Variants in PHEX observed in about 807,000 individuals in gnomAD.
PHEX encodes the protein phosphate-regulating neutral endopeptidase PHEX.
PHEX carries 16 observed loss-of-function variants against 68.0 expected under a neutral mutation model. The observed-to-expected ratio is 0.24, with a 90% CI of 0.16 to 0.36. The LOEUF (loss-of-function observed/expected upper bound fraction) is 0.36, where lower values mean the gene tolerates loss of function less well. Among genes scored for constraint, PHEX ranks in the 10% least tolerant of loss-of-function variants. The pLI is 1.00. For missense variants in PHEX, 480 were observed against 575.5 expected, an observed-to-expected ratio of 0.83 and a Z score of 1.70; for synonymous variants, 208 against 205.1, an observed-to-expected ratio of 1.01 and a Z score of -0.12.
chrX:22,097,472 G>T (rs989716428), intron 8 of PHEX, among the ~76,000 whole-genome samples: 55 of 111,917 alleles, frequency 4.9e-4, no homozygotes, highest in Non-Finnish European at 6.4e-4. Context: ...GGAAGAAGGT[G>T]AAAGGGCCAG....
At chrX:22,207,050 G>A (rs1010309060) in intron 15 of PHEX, among the ~76,000 whole-genome samples, 1 of 111,695 alleles carries the variant, frequency 9.0e-6, no homozygotes, top group Non-Finnish European at 1.9e-5. Context: ...CTAAACAAAA[G>A]CACTCTGTCT....
At chrX:22,101,099 C>T (rs1380240165) in intron 9 of PHEX, among the ~76,000 whole-genome samples, 1 of 111,591 alleles carries the variant, frequency 9.0e-6, no homozygotes, top group Admixed American at 9.5e-5. Flanking sequence ...TCGCTTGAAC[C>T]CAGGAGGTGG....
chrX:22,246,973 A>G (rs1327258401), intron 21 of PHEX, among the ~76,000 whole-genome samples: 1 of 111,561 alleles, frequency 9.0e-6, no homozygotes, highest in Non-Finnish European at 1.9e-5. Flanking sequence ...TGCAGTAACT[A>G]TAGATTTTGA....
chrX:22,092,536 C>A (rs1602286531), intron 6 of PHEX, among the ~76,000 whole-genome samples: 1 of 109,252 alleles, frequency 9.2e-6, no homozygotes, highest in East Asian at 2.9e-4. Context: ...CCATGCCGGG[C>A]TAATTTTTGT....
chrX:22,094,128 T>G, intron 7 of PHEX, 29 bp downstream of exon 7: 1 of 826,526 alleles, frequency 1.2e-6, no homozygotes, highest in Non-Finnish European at 1.8e-6. Context: ...TCTCTTTCTT[T>G]CCTTTACTTT....
intron 14 of PHEX, among the ~76,000 whole-genome samples, 168 bp downstream of exon 14, chrX:22,178,544 G>A (rs962640732): frequency 1.5e-4 from 17 of 111,403 alleles, no homozygotes; most frequent in South Asian, 3.7e-4. Context: ...TTTATATTAC[G>A]TGATTCAGAT....
intron 11 of PHEX, among the ~76,000 whole-genome samples, chrX:22,119,675 C>G (rs958858945): frequency 9.2e-6 from 1 of 108,623 alleles, no homozygotes; most frequent in African/African-American, 3.4e-5. Context: ...TCATTGCAAC[C>G]TCTGCCTCCT....
chrX:22,238,039 G>T (rs1280924501), intron 20 of PHEX, among the ~76,000 whole-genome samples: 4 of 112,328 alleles, frequency 3.6e-5, no homozygotes, highest in Non-Finnish European at 7.5e-5. Flanking sequence ...CACTTTGGGA[G>T]GCCGAGGCGG....
intron 20 of PHEX, among the ~76,000 whole-genome samples, chrX:22,242,463 A>G (rs1936253879): frequency 8.9e-6 from 1 of 111,896 alleles, no homozygotes. Flanking sequence ...GTATTCAAAT[A>G]GGAAGAAAGG....
rs758173558 is a variant in PHEX at position 22,095,166 on chromosome X, G to A, written c.849+1067G>A. On this transcript the variant is annotated intron_variant, in intron 7 of 21. Transcript: ENST00000379374. ...CTCTCTTTGCCGTGGTGATGTTCGT[G>A]TATAGCTCTCTCCAAACTCCTACTT... 6.1e-4 allele frequency among the ~76,000 whole-genome samples: 68 copies of A among 111,526 alleles called. 1 individual carries two copies. Among genetic ancestry groups the A allele is most frequent in the Non-Finnish European group, 4.9e-4 (26 of 53,115 alleles).
chrX:22,193,535 A>G (rs1931173401), intron 15 of PHEX, among the ~76,000 whole-genome samples: 1 of 112,065 alleles, frequency 8.9e-6, no homozygotes, highest in African/African-American at 3.2e-5. Flanking sequence ...TAAAAATGGT[A>G]TCTTACTGTA....
intron 13 of PHEX, among the ~76,000 whole-genome samples, chrX:22,175,602 C>T (rs112171658): frequency 5.6e-4 from 63 of 111,833 alleles, no homozygotes; most frequent in African/African-American, 1.8e-3. Flanking sequence ...CTGCCAGCCT[C>T]GGCCTCCCAA....
In PHEX at chrX:22,216,350, A is replaced by G. The variant is rs780577996; in HGVS notation, c.1701-2686A>G. Among the ~76,000 whole-genome samples the G allele has an allele frequency of 4.5e-5, 5 of 111,822 alleles. No homozygotes were observed. The East Asian group carries it at 1.1e-3, about 25-fold the overall frequency. On this transcript the variant is annotated intron_variant, in intron 16 of 21. Transcript: ENST00000379374. Reference sequence around the variant, plus strand: ...GTTAAACCCACTGAGTAATTAGAACAAAAGAGAAACTGAGTAGGTAGTAAA... The same window carrying G: ...GTTAAACCCACTGAGTAATTAGAACGAAAGAGAAACTGAGTAGGTAGTAAA...
chrX:22,132,679 A>T (rs1029520624), intron 11 of PHEX, among the ~76,000 whole-genome samples: 1 of 111,440 alleles, frequency 9.0e-6, no homozygotes, highest in African/African-American at 3.3e-5. Context: ...TGCACAGCCC[A>T]TGCCTTTCCT....
At chrX:22,196,868 G>T (rs73636820) in intron 15 of PHEX, among the ~76,000 whole-genome samples, 11,987 of 110,982 alleles carry the variant, frequency 0.11, 1,601 homozygotes, top group African/African-American at 0.37. Context: ...GGGCTTATGG[G>T]GGCATCGAAT....
intron 11 of PHEX, among the ~76,000 whole-genome samples, chrX:22,116,266 A>C (rs184163807): frequency 8.9e-6 from 1 of 111,902 alleles, no homozygotes; most frequent in Admixed American, 9.5e-5. Flanking sequence ...AAAAATGTCT[A>C]TTCAGATCTT....
At chrX:22,075,571 A>T (rs1322046616) in intron 3 of PHEX, among the ~76,000 whole-genome samples, 2 of 110,352 alleles carry the variant, frequency 1.8e-5, no homozygotes, top group Non-Finnish European at 3.8e-5. Flanking sequence ...GTAGATTGAT[A>T]CTCTCAAGTA....
intron 3 of PHEX, among the ~76,000 whole-genome samples, chrX:22,071,517 G>C (rs180706249): frequency 3.2e-4 from 36 of 111,598 alleles, no homozygotes; most frequent in African/African-American, 1.1e-3. Context: ...CCAAGCTCTG[G>C]GTCCTGGGTG....
intron 12 of PHEX, among the ~76,000 whole-genome samples, chrX:22,166,469 A>G (rs1933324504): frequency 9.1e-6 from 1 of 110,490 alleles, no homozygotes; most frequent in Non-Finnish European, 1.9e-5. Context: ...TGTGTTTGCT[A>G]TCTCCTTGTA....
Sources: allele counts gnomAD v4.1 joint callset (sites outside exome capture counted in the v4.1 genomes callset), GRCh38; gene constraint gnomAD v4.1.1; transcripts MANE v1.5; gene names NCBI Gene and HGNC (gene_info 2026-07-23, HGNC 2026-07-21).